Variants in C2orf76 observed in about 807,000 individuals in gnomAD.
C2orf76 encodes the protein chromosome 2 open reading frame 76, also known as UPF0538 protein C2orf76.
A neutral mutation model predicts 16.9 loss-of-function variants in C2orf76; 23 were observed. The ratio of observed to expected loss-of-function variants is 1.36; its 90% CI spans 0.98 to 1.93. The LOEUF (loss-of-function observed/expected upper bound fraction) is 1.93. Among genes scored for constraint, C2orf76 ranks in the 30% most tolerant of loss-of-function variants. The pLI is 0.00. For synonymous variants in C2orf76, 48 were observed against 52.3 expected, an observed-to-expected ratio of 0.92 and a Z score of 0.35; for missense variants, 152 against 152.6, an observed-to-expected ratio of 1.00 and a Z score of 0.02.
In C2orf76 at chr2:119,321,161, A is replaced by T; in HGVS notation, c.177T>A (p.Tyr59Ter). 1 of 1,413,570 alleles carries T rather than the reference A, an allele frequency of 7.1e-7. No homozygotes were observed. The highest frequency in any genetic ancestry group is 9.6e-7 in the Non-Finnish European group (1 of 1,040,560). The allele number at this position is 1,413,570 out of a possible 1,614,324, so 87.6% of individuals were successfully genotyped here. The change falls in exon 3 of 6, where the codon TAT becomes TAA. Residue 59 changes from tyrosine (Y) to a stop codon, truncating the protein, a stop_gained. Transcript: ENST00000334816. LOFTEE classifies it high-confidence loss of function. ...GAATAAAAAAATGGTTACCATATTT[A>T]TAATTTCTGAATGGTGGTGGCAGGT... ...RTNLPPPFRN[Y>*]KYDALKIIHQ...
chr2:119,335,475 A>G (rs532898293), intron 2 of C2orf76, among the ~76,000 whole-genome samples: 2 of 152,228 alleles, frequency 1.3e-5, no homozygotes, highest in Non-Finnish European at 2.9e-5. Flanking sequence ...CACTGAGGGC[A>G]TATGTCAGAG....
At chr2:119,366,717 G>A in intron 1 of C2orf76, 73 bp downstream of exon 1, 1 of 504,800 alleles carries the variant, frequency 2.0e-6, no homozygotes, top group Admixed American at 3.3e-5. Context: ...TCCCCACAAC[G>A]GGCCAGGACT....
chr2:119,309,398 CTTTTTTTTTTTTTTTT>C (rs1193022536), intron 5 of C2orf76, among the ~76,000 whole-genome samples: 27 of 71,384 alleles, frequency 3.8e-4, no homozygotes, highest in African/African-American at 1.5e-3. Flanking sequence ...TTCTCTTTTT[CTTTTTTTTTTTTTTTT>C]TTTTTTTTTT....
intron 1 of C2orf76, among the ~76,000 whole-genome samples, chr2:119,363,206 C>A (rs1199158684): frequency 1.3e-5 from 2 of 152,146 alleles, no homozygotes; most frequent in East Asian, 3.9e-4. Context: ...GGGCGGATCA[C>A]GAGGTCAGGA....
intron 2 of C2orf76, among the ~76,000 whole-genome samples, chr2:119,325,457 CAAAAAAAAAA>C (rs59581840): frequency 6.7e-5 from 4 of 59,778 alleles, no homozygotes; most frequent in African/African-American, 1.9e-4. Context: ...AAGACTGTCT[CAAAAAAAAAA>C]AAAAAAAAAA....
rs1679212026 is a variant in C2orf76 at position 119,317,569 on chromosome 2, A to G, written c.185-66T>C. 3.7e-6 allele frequency: 5 copies of G among 1,354,700 alleles called. No individual in the cohort carries two copies. In the South Asian group the frequency reaches 6.3e-5, roughly 17 times the overall value. The allele number at this position is 1,354,700 out of a possible 1,614,324, so 83.9% of individuals were successfully genotyped here. A position where few individuals can be genotyped will look rare whatever the true frequency, so the allele number is the denominator to read the frequency against. ...CTAAACTTCTTTTCAAATTATTAAA[A>G]TGGGTGGAGGGTGGCTACGAAATTG... On this transcript the variant is annotated intron_variant, in intron 3 of 5. Transcript: ENST00000334816.
chr2:119,284,620 C>A, the C2orf76 span, among the ~76,000 whole-genome samples: 9 of 151,780 alleles, frequency 5.9e-5, no homozygotes, highest in East Asian at 1.2e-3. Flanking sequence ...TGATGTACAT[C>A]ATCAGCCTGT....
chr2:119,308,362 C>G (rs891699841), intron 5 of C2orf76, among the ~76,000 whole-genome samples: 1 of 152,200 alleles, frequency 6.6e-6, no homozygotes, highest in Non-Finnish European at 1.5e-5. Context: ...ATAATGGGGT[C>G]GGGCACAGTG....
chr2:119,311,430 C>T, intron 5 of C2orf76, 192 bp downstream of exon 5: 3 of 985,448 alleles, frequency 3.0e-6, no homozygotes, highest in Non-Finnish European at 3.6e-6. Flanking sequence ...GGAGAGCAGA[C>T]ACCTACTGTC....
At chr2:119,366,970 G>C (rs1681037492), upstream of C2orf76, 1 of 1,587,494 alleles carries the variant, frequency 6.3e-7, no homozygotes, top group Non-Finnish European at 8.6e-7. Context: ...CTCTAAAGGC[G>C]CTTGCCAGTG....
the C2orf76 span, among the ~76,000 whole-genome samples, chr2:119,289,274 A>G: frequency 6.6e-6 from 1 of 152,042 alleles, no homozygotes; most frequent in East Asian, 1.9e-4. Flanking sequence ...ACTCTGCCTC[A>G]AATCAGCCTT....
At chr2:119,361,822 T>C (rs1333291041) in intron 1 of C2orf76, among the ~76,000 whole-genome samples, 2 of 151,384 alleles carry the variant, frequency 1.3e-5, no homozygotes, top group Admixed American at 1.3e-4. Flanking sequence ...CGTCAATCTA[T>C]ATAGTTAGCT....
At chr2:119,364,134 G>A (rs896943870) in intron 1 of C2orf76, among the ~76,000 whole-genome samples, 1 of 151,964 alleles carries the variant, frequency 6.6e-6, no homozygotes, top group African/African-American at 2.4e-5. Context: ...GGAGAGAGAA[G>A]AGAGAAAGAG....
chr2:119,348,582 A>G (rs935280437), intron 1 of C2orf76, among the ~76,000 whole-genome samples: 25 of 152,112 alleles, frequency 1.6e-4, no homozygotes, highest in African/African-American at 5.6e-4. Context: ...GCTACTCGGG[A>G]GGCTGAGGAA....
At chr2:119,326,714 C>T (rs1679519867) in intron 2 of C2orf76, among the ~76,000 whole-genome samples, 1 of 152,148 alleles carries the variant, frequency 6.6e-6, no homozygotes, top group Non-Finnish European at 1.5e-5. Context: ...TATACCTCTC[C>T]ATTTACTTAG....
chr2:119,335,396 T>G (rs978127538), intron 2 of C2orf76, among the ~76,000 whole-genome samples: 1 of 152,188 alleles, frequency 6.6e-6, no homozygotes, highest in African/African-American at 2.4e-5. Context: ...GAACAGGGCA[T>G]GTACAAGATG....
the C2orf76 span, among the ~76,000 whole-genome samples, chr2:119,286,740 C>CTGCAGGGA: frequency 1.3e-5 from 2 of 152,108 alleles, no homozygotes; most frequent in African/African-American, 4.8e-5. Flanking sequence ...GGATGAGAGT[C>CTGCAGGGA]TGCAGGGAAG....
chr2:119,334,955 C>A (rs1286984502), intron 2 of C2orf76, among the ~76,000 whole-genome samples: 1 of 152,034 alleles, frequency 6.6e-6, no homozygotes, highest in African/African-American at 2.4e-5. Flanking sequence ...CACTGCTATA[C>A]CTGTATGCTA....
At position 119,343,320 on chromosome 2, in the gene C2orf76, G is replaced by T. The variant is rs34261960; in HGVS notation, c.-12-3349C>A. On this transcript the variant is annotated intron_variant, in intron 1 of 5. Coordinates refer to ENST00000334816, the MANE Select transcript of C2orf76 (RefSeq NM_001322331.2). ...TAAAATATACTGAAGTATTCAATAA[G>T]GAGTAGCTCTTCAGAAAGAGACATA... Among the ~76,000 whole-genome samples, 576 of 152,178 alleles carry T rather than the reference G, an allele frequency of 3.8e-3. 2 individuals carry two copies. The highest frequency in any genetic ancestry group is 5.8e-3 in the Non-Finnish European group (397 of 68,018).
Sources: gnomAD v4.1 joint callset for allele counts (sites outside exome capture counted in the v4.1 genomes callset) on GRCh38, gnomAD v4.1.1 for gene constraint, MANE v1.5 for transcripts, NCBI Gene and HGNC (gene_info 2026-07-23, HGNC 2026-07-21) for gene names.